Variants in CDH23 observed in about 807,000 individuals in gnomAD.
CDH23 encodes the protein cadherin-23.
CDH23 carries 189 observed loss-of-function variants against 317.1 expected under a neutral mutation model. The ratio of observed to expected loss-of-function variants is 0.60; its 90% CI spans 0.53 to 0.67. The LOEUF (loss-of-function observed/expected upper bound fraction) is 0.67. Among genes scored for constraint, CDH23 ranks in the 30% least tolerant of loss-of-function variants. The probability of loss-of-function intolerance (pLI) is 0.00; values close to 1 mark genes in which losing one functional copy is unlikely to be tolerated. For synonymous variants in CDH23, 1,839 were observed against 1,876.8 expected (o/e 0.98, Z 0.52); for missense variants, 4,401 against 4,592.4 (o/e 0.96, Z 1.20).
chr10:71,488,895 C>T (rs1252511555), intron 3 of CDH23, among the ~76,000 whole-genome samples: 2 of 152,112 alleles, frequency 1.3e-5, no homozygotes, highest in Non-Finnish European at 2.9e-5. Context: ...TTTGAAGTAC[C>T]TTTCAGTACT....
At position 71,791,155 on chromosome 10, in the gene CDH23, G is replaced by T; in HGVS notation, c.6073G>T (p.Val2025Phe). The T allele has an allele frequency of 6.2e-7, 1 of 1,611,108 alleles. No individual in the cohort carries two copies. ...STGVVTVRSG[V>F]IIDREAFSPP... is the part of the protein sequence containing the mutation. ...AGGTGTGGTGACCGTGAGGTCAGGT[G>T]TCATCATTGACCGGGAGGCATTCTC... is the stretch of plus-strand genomic sequence containing the variant. Residue 2025 changes from valine (V) to phenylalanine (F), a missense_variant, in exon 47 of 70, where the codon GTC becomes TTC. Val to Phe is a conservative substitution (Grantham distance 50). Coordinates refer to ENST00000224721, the MANE Select transcript of CDH23 (RefSeq NM_022124.6).
At chr10:71,566,643 G>A in intron 6 of CDH23, 99 bp from the exon 7 acceptor site, 1 of 1,099,808 alleles carries the variant, frequency 9.1e-7, no homozygotes, top group Admixed American at 3.2e-5. Context: ...GGTCTGGTTG[G>A]CTGAAGGATG....
chr10:71,533,525 C>CCCCCCCCCCACA (rs1249775933), intron 6 of CDH23, among the ~76,000 whole-genome samples: 7 of 130,822 alleles, frequency 5.4e-5, no homozygotes, highest in African/African-American at 2.1e-4. Flanking sequence ...TGGCTGGACA[C>CCCCCCCCCCACA]CACACACACA....
rs1841310076 is a variant in CDH23, at chr10:71,793,231, TG to T, written c.6307del (p.Glu2103SerfsTer6). On this transcript the variant is annotated frameshift_variant, in exon 48 of 70. Transcript: ENST00000224721. LOFTEE classifies it high-confidence loss of function. ...CCACAGATGAGGACAGTGGCCTCAA[TG>T]GGGAGCTGGTCTACCGAATAGAAGC... ...TATDEDSGLN[G>X]ELVYRIEAGA... 1 of 1,613,704 alleles carries T rather than the reference TG, an allele frequency of 6.2e-7. No individual in the cohort carries two copies. Among genetic ancestry groups the T allele is most frequent in the African/African-American group, 1.3e-5 (1 of 74,896 alleles).
At chr10:71,473,631 T>TA in intron 3 of CDH23, among the ~76,000 whole-genome samples, 1 of 152,152 alleles carries the variant, frequency 6.6e-6, no homozygotes, top group Non-Finnish European at 1.5e-5. Context: ...AAAATGGAGA[T>TA]AAAAAAGTAC....
intron 6 of CDH23, among the ~76,000 whole-genome samples, chr10:71,565,399 C>T (rs149396310): frequency 4.2e-4 from 64 of 152,242 alleles, no homozygotes; most frequent in African/African-American, 1.4e-3. Context: ...AACTCTTTCT[C>T]TTCCTGCTCT....
At chr10:71,403,448 CCTTCCTTTCCTT>C (rs1306387134) in intron 1 of CDH23, among the ~76,000 whole-genome samples, 1 of 62,398 alleles carries the variant, frequency 1.6e-5, no homozygotes. Flanking sequence ...TTCCTTCCTT[CCTTCCTTTCCTT>C]CCTTCCTTCC....
At chr10:71,814,835 G>A (rs911479638) in intron 69 of CDH23, 117 bp from the exon 70 acceptor site, 19 of 1,199,202 alleles carry the variant, frequency 1.6e-5, no homozygotes, top group Middle Eastern at 2.5e-4. Context: ...GAGTCTGACA[G>A]GCCTGCTGCG....
chr10:71,790,923 C>T, intron 46 of CDH23: 1 of 596,928 alleles, frequency 1.7e-6, no homozygotes, highest in Non-Finnish European at 3.0e-6. Flanking sequence ...GCAGAGGGGA[C>T]AACCACAGGA....
chr10:71,519,141 C>A (rs1457798265), intron 6 of CDH23, among the ~76,000 whole-genome samples: 5 of 152,168 alleles, frequency 3.3e-5, no homozygotes, highest in African/African-American at 1.2e-4. Flanking sequence ...ATTGCGGGAC[C>A]CTCTGCCATG....
At chr10:71,532,896 A>T (rs941484823) in intron 6 of CDH23, among the ~76,000 whole-genome samples, 2 of 151,588 alleles carry the variant, frequency 1.3e-5, no homozygotes, top group African/African-American at 4.8e-5. Context: ...TGCCTGGCTA[A>T]TTTTTTGTAT....
rs531935434 is a variant in CDH23, at chr10:71,505,945, G to A, written c.146-4137G>A. Among the ~76,000 whole-genome samples the A allele has an allele frequency of 3.3e-5, 5 of 152,242 alleles. No individual in the cohort carries two copies. In the South Asian group the frequency reaches 6.2e-4, roughly 19 times the overall value. On this transcript the variant is annotated intron_variant, in intron 3 of 69. Coordinates refer to ENST00000224721, the MANE Select transcript of CDH23 (RefSeq NM_022124.6). The stretch of plus-strand genomic sequence containing the variant: ...AAACTTGTACATAAATGTTCATAGC[G>A]GCATTATTTCCAATAGTCAACAGAT...
intron 14 of CDH23, among the ~76,000 whole-genome samples, chr10:71,651,918 G>A (rs1244743515): frequency 6.6e-6 from 1 of 152,202 alleles, no homozygotes; most frequent in Non-Finnish European, 1.5e-5. Context: ...ATGTCCTCTG[G>A]GCAGTGGGAG....
At chr10:71,618,320 C>T (rs1861296882) in intron 11 of CDH23, among the ~76,000 whole-genome samples, 1 of 152,006 alleles carries the variant, frequency 6.6e-6, no homozygotes, top group Admixed American at 6.5e-5. Context: ...GGGGCAGCCC[C>T]CTGCACTGGT....
At chr10:71,644,994 TC>T (rs945430750) in intron 12 of CDH23, among the ~76,000 whole-genome samples, 1 of 152,186 alleles carries the variant, frequency 6.6e-6, no homozygotes, top group Non-Finnish European at 1.5e-5. Flanking sequence ...AAGCTGAATC[TC>T]CCACCTTCAG....
chr10:71,433,458 A>C (rs1356376429), intron 1 of CDH23, among the ~76,000 whole-genome samples: 1 of 152,166 alleles, frequency 6.6e-6, no homozygotes, highest in Admixed American at 6.5e-5. Flanking sequence ...CAGTTGCCTC[A>C]GCTCAGGGGT....
chr10:71,741,706 G>A lies in CDH23; in HGVS notation c.4630G>A (p.Gly1544Ser). 1 of 1,609,334 alleles carries A rather than the reference G, an allele frequency of 6.2e-7. No homozygotes were observed. Among genetic ancestry groups the A allele is most frequent in the South Asian group, 1.1e-5 (1 of 89,970 alleles). ...GCTCTCCTCCCAGAACGTGGGTGGA[G>A]GTACTGCTGTGGTCCAGGTGAGAGC... ...NVSVNENVGG[G>S]TAVVQVRATD... is the part of the protein sequence containing the mutation. The change falls in exon 38 of 70, where the codon GGT (glycine) becomes AGT (serine). Residue 1544 changes from glycine to serine, a missense_variant. This residue lies in a region of CDH23 where 3,068 missense variants were observed against 3,203.3 expected (regional missense o/e 0.96). Coordinates refer to ENST00000224721, the MANE Select transcript of CDH23 (RefSeq NM_022124.6).
At position 71,734,244 on chromosome 10, in the gene CDH23, T is replaced by C. The variant is rs1174346813; in HGVS notation, c.4109T>C (p.Val1370Ala). The change falls in exon 33 of 70, where the codon GTG becomes GCG. Residue 1370 changes from valine (V) to alanine (A), a missense_variant. Physicochemically the swap from Val to Ala is moderately conservative, Grantham distance 64. Around this residue, in one of 3 missense-constraint regions of CDH23, gnomAD observed 3,068 missense variants for 3,203.3 expected, o/e 0.96. Coordinates refer to ENST00000224721, the MANE Select transcript of CDH23 (RefSeq NM_022124.6). Reference protein sequence around the residue: ...ALFKIDAITGVITVQGLVDRE... With the variant: ...ALFKIDAITGAITVQGLVDRE... ...CATCTGGCCCCTTCCCTGCAGGGTG[T>C]GATCACAGTCCAGGGCCTGGTGGAC... The C allele has an allele frequency of 1.2e-6, 2 of 1,609,166 alleles. No homozygotes were observed. Among genetic ancestry groups the C allele is most frequent in the African/African-American group, 2.7e-5 (2 of 74,876 alleles).
chr10:71,610,003 ACAGAGAGAC>A (rs1860775853), intron 9 of CDH23, among the ~76,000 whole-genome samples: 1 of 150,284 alleles, frequency 6.7e-6, no homozygotes, highest in South Asian at 2.1e-4. Flanking sequence ...TGTGAGAGAG[ACAGAGAGAC>A]GAGAGAGAGA....
Sources: gnomAD v4.1 joint callset for allele counts (sites outside exome capture counted in the v4.1 genomes callset) on GRCh38, gnomAD v4.1.1 for gene constraint, gnomAD v4.1.1 regional missense constraint, MANE v1.5 for transcripts, NCBI Gene and HGNC (gene_info 2026-07-23, HGNC 2026-07-21) for gene names.